The following UGT1A9 variants were observed in gnomAD, a reference collection of about 807,000 sequenced individuals.
The protein encoded by UGT1A9 is UDP-glucuronosyltransferase 1A9.
A neutral mutation model predicts 45.0 loss-of-function variants in UGT1A9; 35 were observed. The ratio of observed to expected loss-of-function variants is 0.78; its 90% CI spans 0.59 to 1.03. The LOEUF is 1.03. UGT1A9 is among the 50% of genes least tolerant of loss of function. The pLI, the probability that UGT1A9 is intolerant of heterozygous loss-of-function variation, is 0.00. For synonymous variants in UGT1A9, 278 were observed against 250.6 expected, an observed-to-expected ratio of 1.11 and a Z score of -1.03; for missense variants, 687 against 666.6, an observed-to-expected ratio of 1.03 and a Z score of -0.34.
rs778738161 is a variant in UGT1A9, at chr2:233,672,794, G to A, written c.855+5G>A. 5.6e-6 allele frequency: 9 copies of A among 1,612,650 alleles called. No homozygotes were observed. In the East Asian group the frequency reaches 6.7e-5, roughly 12 times the overall value. On this transcript the variant is annotated splice_donor_5th_base_variant and intron_variant, in intron 1 of 4. Coordinates refer to ENST00000354728, the MANE Select transcript of UGT1A9 (RefSeq NM_021027.3). ...CAGGGAAAGCCGTTGCCTATGGTAA[G>A]TTATCTCTCCTTTAGCACCTTAAGA...
chr2:233,731,097 C>G (rs1453448635), intron 1 of UGT1A9, among the ~76,000 whole-genome samples: 1 of 151,946 alleles, frequency 6.6e-6, no homozygotes, highest in African/African-American at 2.4e-5. Flanking sequence ...ATTTCTGTGC[C>G]TTTTTTATAA....
intron 1 of UGT1A9, chr2:233,750,763 G>T (rs1694554656): frequency 6.6e-6 from 1 of 152,010 alleles, no homozygotes; most frequent in East Asian, 1.9e-4. Context: ...CATCGATGTG[G>T]TGTTGGGCCT....
chr2:233,673,335 A>G (rs1289462932), intron 1 of UGT1A9, among the ~76,000 whole-genome samples: 1 of 152,164 alleles, frequency 6.6e-6, no homozygotes. Context: ...TAATAATTGC[A>G]TAAAATACTT....
At chr2:233,716,242 C>G (rs116835228) in intron 1 of UGT1A9, among the ~76,000 whole-genome samples, 2 of 152,158 alleles carry the variant, frequency 1.3e-5, no homozygotes, top group Non-Finnish European at 2.9e-5. Flanking sequence ...TTGTCCTGCC[C>G]GGACATCCAG....
intron 1 of UGT1A9, among the ~76,000 whole-genome samples, chr2:233,739,654 C>A (rs1048629610): frequency 2.0e-5 from 3 of 152,310 alleles, no homozygotes; most frequent in East Asian, 1.9e-4. Context: ...AATTTCTGTA[C>A]CCCCATTGTG....
chr2:233,695,661 G>A (rs1257183826), intron 1 of UGT1A9, among the ~76,000 whole-genome samples: 1 of 151,638 alleles, frequency 6.6e-6, no homozygotes, highest in Non-Finnish European at 1.5e-5. Context: ...ATATAAATGA[G>A]AACATGTGGT....
At chr2:233,754,838 G>A (rs1298035120) in intron 1 of UGT1A9, 8 of 1,343,666 alleles carry the variant, frequency 6.0e-6, no homozygotes, top group South Asian at 1.1e-5. Context: ...GAAATTCACT[G>A]AAGGCAGAGA....
At chr2:233,748,975 A>G (rs527445283) in intron 1 of UGT1A9, among the ~76,000 whole-genome samples, 1 of 151,758 alleles carries the variant, frequency 6.6e-6, no homozygotes, top group African/African-American at 2.4e-5. Context: ...AGTGGGATCT[A>G]CTTCTTTACC....
intron 1 of UGT1A9, chr2:233,729,254 G>C (rs1181621220): frequency 1.2e-6 from 2 of 1,614,100 alleles, no homozygotes; most frequent in Admixed American, 1.7e-5. Context: ...CACTGGCTCA[G>C]CATGCGGGAG....
intron 1 of UGT1A9, among the ~76,000 whole-genome samples, chr2:233,707,982 G>A (rs1273981349): frequency 6.6e-6 from 1 of 152,134 alleles, no homozygotes; most frequent in Non-Finnish European, 1.5e-5. Context: ...TGCCCACTGG[G>A]TTGTCTACTC....
At chr2:233,717,883 G>T (rs778761780) in intron 1 of UGT1A9, 1 of 454,838 alleles carries the variant, frequency 2.2e-6, no homozygotes, top group East Asian at 6.9e-5. Context: ...GAAAAGCCTG[G>T]CCATAATCTT....
chr2:233,758,249 A>C (rs1008368022), intron 1 of UGT1A9, among the ~76,000 whole-genome samples: 1 of 152,236 alleles, frequency 6.6e-6, no homozygotes, highest in African/African-American at 2.4e-5. Context: ...CCCACTATTC[A>C]GATTAGTAAG....
chr2:233,713,025 C>G, intron 1 of UGT1A9: 1 of 1,613,852 alleles, frequency 6.2e-7, no homozygotes, highest in Non-Finnish European at 8.5e-7. Context: ...CCTGCCGCAG[C>G]TGGCCACAGG....
intron 1 of UGT1A9, among the ~76,000 whole-genome samples, chr2:233,679,446 G>A (rs2074452882): frequency 6.6e-6 from 1 of 152,136 alleles, no homozygotes; most frequent in East Asian, 1.9e-4. Context: ...CTGTAAACTT[G>A]ACTGCATTTA....
chr2:233,748,015 C>T lies in UGT1A9; in HGVS notation c.856-19019C>T, dbSNP rs746722710. ...GACTTTGTGATGGATTACCCCAGGC[C>T]GATCATGCCCAACATGGTCTTCATT... is the stretch of plus-strand genomic sequence containing the variant. On this transcript the variant is annotated intron_variant, in intron 1 of 4. Coordinates refer to ENST00000354728, the MANE Select transcript of UGT1A9 (RefSeq NM_021027.3). The T allele has an allele frequency of 4.5e-4, 728 of 1,613,308 alleles. 4 individuals carry two copies. Among genetic ancestry groups the T allele is most frequent in the Middle Eastern group, 6.6e-4 (4 of 6,082 alleles).
Position 233,769,856 on chromosome 2 carries a change from TCAA to T in UGT1A9, c.1295+1418_1295+1420del. Reference sequence around the variant, plus strand: ...CTGGGCAACAGAGTGAGACCCTGTCTCAAAAAAAAAAAAAAAAATGAAAAGTCC... The same window carrying T: ...CTGGGCAACAGAGTGAGACCCTGTCTAAAAAAAAAAAAAAATGAAAAGTCC... On this transcript the variant is annotated intron_variant, in intron 4 of 4. Coordinates refer to ENST00000354728, the MANE Select transcript of UGT1A9 (RefSeq NM_021027.3). The surrounding 1 kb of genome is among the most constrained non-coding windows in gnomAD (Gnocchi z 4.4). 3.1e-6 allele frequency: 1 copy of T among 322,450 alleles called. No homozygotes were observed. Among genetic ancestry groups the T allele is most frequent in the Non-Finnish European group, 5.0e-6 (1 of 199,356 alleles). The allele number at this position is 322,450 out of a possible 1,614,324, so 20.0% of individuals were successfully genotyped here.
chr2:233,724,145 T>C (rs1184615097), intron 1 of UGT1A9, among the ~76,000 whole-genome samples: 8 of 114,770 alleles, frequency 7.0e-5, no homozygotes, highest in African/African-American at 2.9e-4. Flanking sequence ...ACGGGGCGGC[T>C]GGCCGGGTGG....
intron 1 of UGT1A9, among the ~76,000 whole-genome samples, chr2:233,752,840 A>G (rs1357477181): frequency 6.6e-6 from 1 of 152,242 alleles, no homozygotes; most frequent in African/African-American, 2.4e-5. Flanking sequence ...AATCTAGGAT[A>G]TATCAAAATT....
chr2:233,704,756 A>G (rs1028041408), intron 1 of UGT1A9, among the ~76,000 whole-genome samples: 2 of 152,104 alleles, frequency 1.3e-5, no homozygotes, highest in Non-Finnish European at 2.9e-5. Flanking sequence ...TTATTGTCAA[A>G]TATATTACGC....
Sources: allele counts gnomAD v4.1 joint callset (sites outside exome capture counted in the v4.1 genomes callset), GRCh38; gene constraint gnomAD v4.1.1; non-coding constraint Gnocchi (gnomAD v3.1); transcripts MANE v1.5; gene names NCBI Gene and HGNC (gene_info 2026-07-23, HGNC 2026-07-21).